Variants in DNAH17 observed in about 807,000 individuals in gnomAD.
DNAH17 encodes the protein dynein axonemal heavy chain 17.
Under a neutral mutation model 485.6 loss-of-function variants are expected in DNAH17, and 376 were observed. The observed-to-expected ratio is 0.77, with a 90% confidence interval of 0.71 to 0.84. DNAH17 has a LOEUF of 0.84. DNAH17 is among the 40% of genes least tolerant of loss of function. The probability of loss-of-function intolerance (pLI) is 0.00; values close to 1 mark genes in which losing one functional copy is unlikely to be tolerated. For missense variants in DNAH17, 6,370 were observed against 5,839.3 expected (o/e 1.09, Z -2.96); for synonymous variants, 3,031 against 2,405.9 (o/e 1.26, Z -7.60).
At chr17:78,475,064 G>A (rs1013488693) in intron 54 of DNAH17, among the ~76,000 whole-genome samples, 1 of 150,664 alleles carries the variant, frequency 6.6e-6, no homozygotes, top group Admixed American at 6.6e-5. Context: ...GGGCTGGAAG[G>A]TTTCACACTC....
chr17:78,501,887 T>G lies in DNAH17; in HGVS notation c.5191-14A>C. ...CAGCTGGCTAATCTGCGGGGGAGAG[T>G]GCCTTCGATGAGACACCACGGGTGC... On this transcript the variant is annotated splice_polypyrimidine_tract_variant and intron_variant, in intron 33 of 80. Transcript: ENST00000389840. 1 of 1,613,258 alleles carries G rather than the reference T, an allele frequency of 6.2e-7. No individual in the cohort carries two copies. The highest frequency in any genetic ancestry group is 8.5e-7 in the Non-Finnish European group (1 of 1,179,636).
intron 25 of DNAH17, among the ~76,000 whole-genome samples, chr17:78,521,251 C>T (rs2090925724): frequency 1.3e-5 from 2 of 151,988 alleles, no homozygotes; most frequent in African/African-American, 4.8e-5. Flanking sequence ...ACTGAAAATA[C>T]AAAAATTAGC....
chr17:78,439,110 C>T lies in DNAH17; in HGVS notation c.11785G>A (p.Gly3929Arg), dbSNP rs773728103. The T allele has an allele frequency of 6.2e-7, 1 of 1,613,356 alleles. No homozygotes were observed. Among genetic ancestry groups the T allele is most frequent in the African/African-American group, 1.3e-5 (1 of 74,932 alleles). Residue 3929 changes from glycine (G) to arginine (R), a missense_variant, in exon 73 of 81, where the codon GGA (glycine) becomes AGA (arginine). Coordinates refer to ENST00000389840, the MANE Select transcript of DNAH17 (RefSeq NM_173628.4). The part of the protein sequence containing the change: ...ENALDVAAEK[G>R]HWVILQNIHL... ...CGTACCTGCAGAATGACCCAGTGTC[C>T]TTTCTCTGCAGCCACGTCCAGGGCG...
At position 78,423,872 on chromosome 17, in the gene DNAH17, C is replaced by T. The variant is rs1453761001; in HGVS notation, c.*34G>A. ...GGTGAAGGGCTGAGTTGTGGTCCAG[C>T]CCCAGGGAGTGTGGGCTGTGAGGCA... is the stretch of plus-strand genomic sequence containing the variant. On this transcript the variant is annotated 3_prime_UTR_variant, in exon 81 of 81. Coordinates refer to ENST00000389840, the MANE Select transcript of DNAH17 (RefSeq NM_173628.4). The T allele has an allele frequency of 1.9e-6, 3 of 1,611,128 alleles. No individual in the cohort carries two copies. The highest frequency in any genetic ancestry group is 2.5e-6 in the Non-Finnish European group (3 of 1,178,308).
intron 26 of DNAH17, among the ~76,000 whole-genome samples, chr17:78,511,139 CAG>C (rs2090626117): frequency 1.3e-5 from 2 of 152,362 alleles, no homozygotes; most frequent in African/African-American, 2.4e-5. Flanking sequence ...TCTTTTGAGA[CAG>C]AGTCTCGCTT....
intron 9 of DNAH17, among the ~76,000 whole-genome samples, chr17:78,567,461 C>CA (rs1373575296): frequency 2.6e-5 from 4 of 152,120 alleles, no homozygotes; most frequent in Non-Finnish European, 5.9e-5. Flanking sequence ...CCAGACTGGC[C>CA]AAACCGCATC....
At chr17:78,432,216 A>C (rs1396410080) in intron 75 of DNAH17, among the ~76,000 whole-genome samples, 1 of 143,010 alleles carries the variant, frequency 7.0e-6, no homozygotes, top group Non-Finnish European at 1.6e-5. Flanking sequence ...AATAAATAAA[A>C]ATTAAAAAAA....
chr17:78,537,631 C>T (rs1441968091), intron 18 of DNAH17, 150 bp from the exon 19 acceptor site: 9 of 985,752 alleles, frequency 9.1e-6, no homozygotes, highest in Admixed American at 2.3e-5. Context: ...CAGCGCACCC[C>T]GCTCCTTGAG....
At chr17:78,430,439 A>G (rs544846190) in intron 75 of DNAH17, among the ~76,000 whole-genome samples, 8 of 152,314 alleles carry the variant, frequency 5.3e-5, no homozygotes, top group Non-Finnish European at 1.0e-4. Flanking sequence ...GGCGAGGCAG[A>G]TGTTTTCATA....
At chr17:78,496,175 C>T (rs1433018877) in intron 37 of DNAH17, 143 bp from the exon 38 acceptor site, 1 of 985,310 alleles carries the variant, frequency 1.0e-6, no homozygotes, top group African/African-American at 1.7e-5. Flanking sequence ...TAAATTAAGC[C>T]TTTTATTTTT....
rs2087954656 is a variant in DNAH17 at position 78,459,071 on chromosome 17, G to C, written c.9791C>G (p.Ala3264Gly). The C allele has an allele frequency of 1.2e-6, 2 of 1,613,914 alleles. No individual in the cohort carries two copies. The highest frequency in any genetic ancestry group is 2.2e-5 in the East Asian group (1 of 44,908). The change falls in exon 61 of 81, where the codon GCA becomes GGA. Residue 3264 changes from alanine to glycine, a missense_variant. Transcript: ENST00000389840. The stretch of plus-strand genomic sequence containing the variant: ...CAGCTCTGCATTAGCCTCCTCCAGT[G>C]CCTGCCTCTTGGGCGCCACGTCGCA... ...VYCDVAPKRQ[A>G]LEEANAELAE...
chr17:78,490,967 C>T, intron 43 of DNAH17, 120 bp from the exon 44 acceptor site: 4 of 1,257,246 alleles, frequency 3.2e-6, no homozygotes, highest in Non-Finnish European at 4.3e-6. Context: ...CAGGCCAGCC[C>T]TGCCACCCCT....
chr17:78,561,292 G>T (rs1339905693), intron 12 of DNAH17, among the ~76,000 whole-genome samples: 2 of 150,310 alleles, frequency 1.3e-5, no homozygotes, highest in African/African-American at 4.9e-5. Flanking sequence ...CACATAAAAG[G>T]CCCCCCTCCT....
chr17:78,478,005 TCACCATCATCACCATCACCACCACCATCA>T (rs2089132983), intron 51 of DNAH17, among the ~76,000 whole-genome samples: 1 of 90,114 alleles, frequency 1.1e-5, no homozygotes, highest in African/African-American at 8.1e-5. Flanking sequence ...ACCACCATCA[TCACCATCATCACCATCACCACCACCATCA>T]CACCACCATC....
At chr17:78,541,733 GCC>G (rs1338959623) in intron 17 of DNAH17, among the ~76,000 whole-genome samples, 2 of 152,082 alleles carry the variant, frequency 1.3e-5, no homozygotes, top group African/African-American at 2.4e-5. Flanking sequence ...CTCCTCGCCT[GCC>G]CTCTTGCTAT....
chr17:78,498,620 T>TTTCCTCCCTCCTCCTC, intron 37 of DNAH17, among the ~76,000 whole-genome samples: 1 of 152,112 alleles, frequency 6.6e-6, no homozygotes, highest in Non-Finnish European at 1.5e-5. Context: ...CACGGGCGCA[T>TTTCCTCCCTCCTCCTC]TTCCTCCCTC....
At chr17:78,429,066 C>T in intron 76 of DNAH17, 55 bp downstream of exon 76, 1 of 1,576,882 alleles carries the variant, frequency 6.3e-7, no homozygotes, top group South Asian at 1.1e-5. Flanking sequence ...CAGGCTCTCA[C>T]CGGGAGGCAC....
rs183360072 is a variant in DNAH17, at chr17:78,466,779, C to G, written c.8816G>C (p.Arg2939Pro). Residue 2939 changes from arginine (R) to proline (P), a missense_variant, in exon 56 of 81, where the codon CGG becomes CCG. Coordinates refer to ENST00000389840, the MANE Select transcript of DNAH17 (RefSeq NM_173628.4). ...LCFSPVGSVL[R>P]VRARKFPAVV... is the part of the protein sequence containing the mutation. ...AGCTGGGAACTTTCTGGCTCGTACC[C>G]GCAGCACGGAGCCCACAGGGGAGAA... The G allele has an allele frequency of 8.7e-6, 14 of 1,604,892 alleles. No homozygotes were observed. The South Asian group carries it at 1.0e-4, about 12-fold the overall frequency.
chr17:78,562,716 A>G (rs2092183130), intron 11 of DNAH17, among the ~76,000 whole-genome samples: 1 of 152,266 alleles, frequency 6.6e-6, no homozygotes, highest in Non-Finnish European at 1.5e-5. Context: ...TGATACAGAT[A>G]AATGAAGAAA....
Sources: allele counts gnomAD v4.1 joint callset (sites outside exome capture counted in the v4.1 genomes callset), GRCh38; gene constraint gnomAD v4.1.1; transcripts MANE v1.5; gene names NCBI Gene and HGNC (gene_info 2026-07-23, HGNC 2026-07-21).